FIP1L1: variants seen among roughly 807,000 people sequenced by gnomAD.
FIP1L1 encodes the protein factor interacting with PAPOLA and CPSF1, also known as pre-mRNA 3'-end-processing factor FIP1.
Under a neutral mutation model 84.6 loss-of-function variants are expected in FIP1L1, and 21 were observed. The observed-to-expected ratio is 0.25, with a 90% CI of 0.18 to 0.36. The LOEUF (loss-of-function observed/expected upper bound fraction) is 0.36. Ranked by LOEUF, FIP1L1 falls within the 10% of genes least tolerant of loss-of-function variation. The probability of loss-of-function intolerance (pLI) is 1.00; values close to 1 mark genes in which losing one functional copy is unlikely to be tolerated. For missense variants in FIP1L1, 526 were observed against 751.1 expected, an observed-to-expected ratio of 0.70 and a Z score of 3.50; for synonymous variants, 263 against 242.3, an observed-to-expected ratio of 1.09 and a Z score of -0.80.
intron 5 of FIP1L1, 137 bp from the exon 6 acceptor site, chr4:53,389,672 A>AAGAT: frequency 1.5e-6 from 1 of 667,446 alleles, no homozygotes; most frequent in Non-Finnish European, 2.5e-6. Context: ...TTAAAAAATA[A>AAGAT]AGATAGAAAT....
At chr4:53,446,340 A>C (rs1182528331) in intron 15 of FIP1L1, among the ~76,000 whole-genome samples, 1 of 152,186 alleles carries the variant, frequency 6.6e-6, no homozygotes, top group Non-Finnish European at 1.5e-5. Flanking sequence ...AGTTCATTGA[A>C]ATACATTGAA....
rs1178185994 is a variant in FIP1L1 at position 53,425,863 on chromosome 4, A to G, written c.924-9A>G. 2 of 1,596,370 alleles carry G rather than the reference A, an allele frequency of 1.3e-6. No homozygotes were observed. Among genetic ancestry groups the G allele is most frequent in the African/African-American group, 1.3e-5 (1 of 74,352 alleles). On this transcript the variant is annotated splice_polypyrimidine_tract_variant and intron_variant, in intron 11 of 17. Coordinates refer to ENST00000337488, the MANE Select transcript of FIP1L1 (RefSeq NM_030917.4). The stretch of plus-strand genomic sequence containing the variant: ...GTGAAACTGAATTGATTCAATTTTT[A>G]TGTTACAGGAGATTACCTGGGGCAA...
rs184438476 is a variant in FIP1L1 at position 53,421,070 on chromosome 4, G to T, written c.924-4802G>T. ...AGTCTGGTGTACACCCTGTGCATCA[G>T]GATTTTGATATGCAGGCAAGGTTGA... On this transcript the variant is annotated intron_variant, in intron 11 of 17. Coordinates refer to ENST00000337488, the MANE Select transcript of FIP1L1 (RefSeq NM_030917.4). Among the ~76,000 whole-genome samples, 160 of 152,248 alleles carry T rather than the reference G, an allele frequency of 1.1e-3. 2 individuals carry two copies. The highest frequency in any genetic ancestry group is 0.01 in the Admixed American group (159 of 15,280).
At chr4:53,409,850 A>G (rs933809057) in intron 10 of FIP1L1, among the ~76,000 whole-genome samples, 1 of 152,208 alleles carries the variant, frequency 6.6e-6, no homozygotes, top group Non-Finnish European at 1.5e-5. Context: ...GGAAAAGCGC[A>G]GTATTAGGGT....
chr4:53,381,637 T>G (rs566285693), intron 3 of FIP1L1, among the ~76,000 whole-genome samples: 42 of 152,242 alleles, frequency 2.8e-4, no homozygotes, highest in Non-Finnish European at 5.3e-4. Flanking sequence ...TCAAATTGAT[T>G]TAGGATAATT....
rs183419002 is a variant in FIP1L1, at chr4:53,420,284, T to C, written c.923+5562T>C. On this transcript the variant is annotated intron_variant, in intron 11 of 17. Coordinates refer to ENST00000337488, the MANE Select transcript of FIP1L1 (RefSeq NM_030917.4). ...ACTAAAAAAAAAATTAAAAAAAAAA[T>C]AGCTGGGCGTGGTAGCATGCGTCCG... Among the ~76,000 whole-genome samples, 248 of 91,582 alleles carry C rather than the reference T, an allele frequency of 2.7e-3. 1 individual carries two copies. The highest frequency in any genetic ancestry group is 9.8e-3 in the Middle Eastern group (1 of 102). The allele number at this position is 91,582 out of a possible 152,430, so 60.1% of individuals were successfully genotyped here. A position where few individuals can be genotyped will look rare whatever the true frequency, so the allele number is the denominator to read the frequency against.
chr4:53,410,126 C>A (rs1449489521), intron 10 of FIP1L1, among the ~76,000 whole-genome samples: 1 of 152,240 alleles, frequency 6.6e-6, no homozygotes, highest in African/African-American at 2.4e-5. Context: ...CCTATTTGGC[C>A]ACCTTGGCTC....
rs1051735207 is a variant in FIP1L1, at chr4:53,459,600, A to C, written c.*151A>C. ...CTTTTTTTCCAAAATAAAAGAGTGA[A>C]TTTTTCATGTTAAGTTAAAAATCTT... On this transcript the variant is annotated 3_prime_UTR_variant, in exon 18 of 18. Coordinates refer to ENST00000337488, the MANE Select transcript of FIP1L1 (RefSeq NM_030917.4). 1.1e-5 allele frequency: 12 copies of C among 1,072,674 alleles called. No individual in the cohort carries two copies. The African/African-American group carries it at 1.8e-4, about 16-fold the overall frequency. The allele number at this position is 1,072,674 out of a possible 1,614,324, so 66.4% of individuals were successfully genotyped here. A position where few individuals can be genotyped will look rare whatever the true frequency, so the allele number is the denominator to read the frequency against.
intron 13 of FIP1L1, chr4:53,440,640 GT>G: frequency 7.0e-7 from 1 of 1,435,488 alleles, no homozygotes; most frequent in Non-Finnish European, 9.7e-7. Flanking sequence ...CTCCATCATT[GT>G]TAATAAACAT....
rs147815001 is a variant in FIP1L1 at position 53,453,195 on chromosome 4, G to A, written c.1499+62G>A. The stretch of plus-strand genomic sequence containing the variant: ...TATAAGCACTTACAAATTTATTTTC[G>A]TTATGAGGAAGTGAATTTCAGTTCA... On this transcript the variant is annotated intron_variant, in intron 16 of 17. Transcript: ENST00000337488. 112 of 1,584,300 alleles carry A rather than the reference G, an allele frequency of 7.1e-5. No homozygotes were observed. The East Asian group carries it at 2.3e-3, about 33-fold the overall frequency.
At chr4:53,431,946 A>G (rs1766878709) in intron 13 of FIP1L1, among the ~76,000 whole-genome samples, 1 of 152,240 alleles carries the variant, frequency 6.6e-6, no homozygotes, top group African/African-American at 2.4e-5. Flanking sequence ...AAACTTTGCT[A>G]GTAACACAGA....
At chr4:53,440,563 T>C in intron 13 of FIP1L1, 1 of 1,471,134 alleles carries the variant, frequency 6.8e-7, no homozygotes, top group Non-Finnish European at 9.3e-7. Flanking sequence ...TATATTAAAT[T>C]TCATCACTTG....
intron 13 of FIP1L1, among the ~76,000 whole-genome samples, chr4:53,441,300 G>A (rs1771819640): frequency 6.6e-6 from 1 of 151,882 alleles, no homozygotes; most frequent in South Asian, 2.1e-4. Flanking sequence ...TGCTTGCAAG[G>A]GTGGGTCTAA....
Position 53,383,636 on chromosome 4 carries a change from G to A in FIP1L1, c.229-137G>A, listed in dbSNP as rs578126526. The A allele has an allele frequency of 1.1e-4, 89 of 786,228 alleles. No homozygotes were observed. The East Asian group carries it at 1.8e-3, about 16-fold the overall frequency. The allele number at this position is 786,228 out of a possible 1,614,324, so 48.7% of individuals were successfully genotyped here. ...GAGATCATGCCACTGCACTCAAGCC[G>A]GGGCGACAAAGTGAGAGTCTGTCTC... On this transcript the variant is annotated intron_variant, in intron 4 of 17. Transcript: ENST00000337488.
intron 9 of FIP1L1, among the ~76,000 whole-genome samples, chr4:53,398,261 T>C (rs11734039): frequency 0.56 from 84,466 of 151,984 alleles, 25,313 homozygotes; most frequent in Non-Finnish European, 0.67. Flanking sequence ...TCCCATTGCC[T>C]TAGTGCCGAT....
At chr4:53,435,932 C>T (rs868564010) in intron 13 of FIP1L1, among the ~76,000 whole-genome samples, 2 of 152,112 alleles carry the variant, frequency 1.3e-5, no homozygotes, top group Non-Finnish European at 2.9e-5. Flanking sequence ...AAACCTTGTC[C>T]TTTTCTACTC....
At chr4:53,433,546 A>G (rs1248260970) in intron 13 of FIP1L1, among the ~76,000 whole-genome samples, 2 of 151,958 alleles carry the variant, frequency 1.3e-5, no homozygotes, top group Non-Finnish European at 2.9e-5. Context: ...AGTTTACTGT[A>G]GAATAGAAGG....
chr4:53,400,875 ATT>A (rs1749868763), intron 10 of FIP1L1, among the ~76,000 whole-genome samples: 2 of 152,212 alleles, frequency 1.3e-5, no homozygotes, highest in South Asian at 4.1e-4. Flanking sequence ...AATATATAAT[ATT>A]GTAATATGTA....
intron 9 of FIP1L1, among the ~76,000 whole-genome samples, chr4:53,395,532 T>C (rs1746756656): frequency 6.6e-6 from 1 of 152,208 alleles, no homozygotes; most frequent in African/African-American, 2.4e-5. Flanking sequence ...TAGGCATTTA[T>C]TGTGCTTAAT....
Sources: gnomAD v4.1 joint callset for allele counts (sites outside exome capture counted in the v4.1 genomes callset) on GRCh38, gnomAD v4.1.1 for gene constraint, MANE v1.5 for transcripts, NCBI Gene and HGNC (gene_info 2026-07-23, HGNC 2026-07-21) for gene names.